The following ALCAM variants were observed in gnomAD, a reference collection of about 807,000 sequenced individuals.
The protein encoded by ALCAM is CD166 antigen.
Under a neutral mutation model 70.9 loss-of-function variants are expected in ALCAM, and 30 were observed. That is an observed-to-expected ratio of 0.42 (90% CI 0.32 to 0.57). ALCAM has a LOEUF of 0.57. Ranked by LOEUF, ALCAM falls within the 20% of genes least tolerant of loss-of-function variation. The pLI, the probability that ALCAM is intolerant of heterozygous loss-of-function variation, is 0.11. For synonymous variants in ALCAM, 249 were observed against 242.5 expected, an observed-to-expected ratio of 1.03 and a Z score of -0.25; for missense variants, 591 against 695.1, an observed-to-expected ratio of 0.85 and a Z score of 1.68.
intron 1 of ALCAM, among the ~76,000 whole-genome samples, chr3:105,404,486 G>A (rs1254984344): frequency 6.6e-6 from 1 of 152,142 alleles, no homozygotes; most frequent in Non-Finnish European, 1.5e-5. Flanking sequence ...GTGAAACTAA[G>A]CTTCATAAAT....
At chr3:105,443,639 T>C (rs1937229959) in intron 1 of ALCAM, among the ~76,000 whole-genome samples, 1 of 152,224 alleles carries the variant, frequency 6.6e-6, no homozygotes, top group Admixed American at 6.5e-5. Context: ...AACATATACA[T>C]GTAGGCACAT....
chr3:105,543,500 T>C (rs1940173087), intron 8 of ALCAM, among the ~76,000 whole-genome samples: 1 of 151,680 alleles, frequency 6.6e-6, no homozygotes, highest in Non-Finnish European at 1.5e-5. Context: ...CTTTGATTGC[T>C]TGCTTATTTT....
At chr3:105,537,959 G>T (rs1940014982) in intron 6 of ALCAM, among the ~76,000 whole-genome samples, 1 of 152,046 alleles carries the variant, frequency 6.6e-6, no homozygotes. Flanking sequence ...ATTTTGTAGG[G>T]GTTTATGTAG....
chr3:105,562,106 GA>G (rs1198584223), intron 14 of ALCAM, among the ~76,000 whole-genome samples: 1 of 152,190 alleles, frequency 6.6e-6, no homozygotes, highest in Non-Finnish European at 1.5e-5. Flanking sequence ...CCCTAAGACT[GA>G]CTAGTGTAGA....
In ALCAM at chr3:105,542,204, G is replaced by C. The variant is rs62260824; in HGVS notation, c.991+439G>C. On this transcript the variant is annotated intron_variant, in intron 8 of 15. Coordinates refer to ENST00000306107, the MANE Select transcript of ALCAM (RefSeq NM_001627.4). ...ACAAAGTTACTACAGACTCAGTTTTGGGAACAGGAAGTAGAGATCATTAGA... is the reference window on the plus strand; with the variant it reads ...ACAAAGTTACTACAGACTCAGTTTTCGGAACAGGAAGTAGAGATCATTAGA... Among the ~76,000 whole-genome samples, 187 of 151,916 alleles carry C rather than the reference G, an allele frequency of 1.2e-3. 2 individuals are homozygous for C. The Middle Eastern group carries it at 0.02, about 17-fold the overall frequency.
intron 14 of ALCAM, among the ~76,000 whole-genome samples, chr3:105,559,157 AAAAT>A (rs1257624757): frequency 1.3e-5 from 2 of 148,606 alleles, no homozygotes; most frequent in Admixed American, 6.8e-5. Context: ...TATAAATTGT[AAAAT>A]AAATGTATAT....
At chr3:105,444,293 C>T (rs1235153532) in intron 1 of ALCAM, among the ~76,000 whole-genome samples, 1 of 152,120 alleles carries the variant, frequency 6.6e-6, no homozygotes, top group Non-Finnish European at 1.5e-5. Context: ...GGGGAGGCCT[C>T]AGGAAACTTA....
intron 11 of ALCAM, among the ~76,000 whole-genome samples, chr3:105,548,288 T>C (rs1940301651): frequency 1.3e-5 from 2 of 151,336 alleles, no homozygotes; most frequent in South Asian, 2.1e-4. Context: ...GCCAATCTGC[T>C]TGGGTTGCTG....
chr3:105,555,514 A>G (rs1940495446), intron 14 of ALCAM, among the ~76,000 whole-genome samples: 1 of 152,034 alleles, frequency 6.6e-6, no homozygotes, highest in Admixed American at 6.6e-5. Flanking sequence ...AGATCTTTCA[A>G]GTTAAGAATG....
intron 1 of ALCAM, among the ~76,000 whole-genome samples, chr3:105,497,965 A>G (rs1442891408): frequency 1.3e-5 from 2 of 150,902 alleles, no homozygotes. Context: ...TGGGAGGCGG[A>G]GCTTGCAGTG....
rs77046502 is a variant in ALCAM, at chr3:105,484,406, A to G, written c.74-35661A>G. On this transcript the variant is annotated intron_variant, in intron 1 of 15. Coordinates refer to ENST00000306107, the MANE Select transcript of ALCAM (RefSeq NM_001627.4). ...AGCTACATCTAAATGGCATGCTGCC[A>G]TACCCAGGATTTTAAAGAAAAAAAT... Among the ~76,000 whole-genome samples the G allele has an allele frequency of 7.6e-3, 1,152 of 151,664 alleles. 41 individuals are homozygous for G. The East Asian group carries it at 0.1, about 14-fold the overall frequency.
At position 105,423,138 on chromosome 3, in the gene ALCAM, TTAGAG is replaced by T. The variant is rs1215498719; in HGVS notation, c.73+55660_73+55664del. Among the ~76,000 whole-genome samples, 3 of 151,388 alleles carry T rather than the reference TTAGAG, an allele frequency of 2.0e-5. No individual in the cohort carries two copies. The East Asian group carries it at 5.8e-4, about 29-fold the overall frequency. On this transcript the variant is annotated intron_variant, in intron 1 of 15. Transcript: ENST00000306107. ...TAATGTAGATGGTGAATCAAAGTCT[TTAGAG>T]TAAGAGTTTTATTGCAATAATTTAT...
At chr3:105,467,582 G>T (rs1187505334) in intron 1 of ALCAM, among the ~76,000 whole-genome samples, 1 of 151,096 alleles carries the variant, frequency 6.6e-6, no homozygotes, top group African/African-American at 2.4e-5. Flanking sequence ...TAGTTTATTT[G>T]ACTCCTAAAC....
At chr3:105,446,494 G>C (rs1331379558) in intron 1 of ALCAM, among the ~76,000 whole-genome samples, 1 of 151,996 alleles carries the variant, frequency 6.6e-6, no homozygotes, top group African/African-American at 2.4e-5. Flanking sequence ...AATTAGGTTG[G>C]TATGTTGAAG....
At chr3:105,445,178 A>G (rs935760059) in intron 1 of ALCAM, among the ~76,000 whole-genome samples, 1 of 152,186 alleles carries the variant, frequency 6.6e-6, no homozygotes, top group African/African-American at 2.4e-5. Flanking sequence ...ATGTTAGTTA[A>G]TACATGAACA....
At chr3:105,403,004 T>C (rs966642759) in intron 1 of ALCAM, among the ~76,000 whole-genome samples, 2 of 150,860 alleles carry the variant, frequency 1.3e-5, no homozygotes, top group African/African-American at 4.9e-5. Context: ...TGGAGTGCAA[T>C]TGTGCAATCT....
At chr3:105,447,404 T>C (rs1464827654) in intron 1 of ALCAM, among the ~76,000 whole-genome samples, 1 of 152,158 alleles carries the variant, frequency 6.6e-6, no homozygotes. Context: ...CCTGTCCTGT[T>C]AAGAGGAAGC....
chr3:105,467,766 G>A (rs978055789), intron 1 of ALCAM, among the ~76,000 whole-genome samples: 11 of 151,096 alleles, frequency 7.3e-5, no homozygotes, highest in Non-Finnish European at 1.5e-4. Flanking sequence ...TATCTTCAGT[G>A]TACATAGTTA....
intron 1 of ALCAM, among the ~76,000 whole-genome samples, chr3:105,420,217 C>CCT (rs1320566487): frequency 6.6e-6 from 1 of 151,536 alleles, no homozygotes; most frequent in Non-Finnish European, 1.5e-5. Context: ...TGTTCCTCTT[C>CCT]CTCTCTCTCT....
Sources: gnomAD v4.1 joint callset for allele counts (sites outside exome capture counted in the v4.1 genomes callset) on GRCh38, gnomAD v4.1.1 for gene constraint, MANE v1.5 for transcripts, NCBI Gene and HGNC (gene_info 2026-07-23, HGNC 2026-07-21) for gene names.